KCND3: variants seen among roughly 807,000 people sequenced by gnomAD.
KCND3 encodes the protein potassium voltage-gated channel subfamily D member 3.
KCND3 carries 9 observed loss-of-function variants against 51.1 expected under a neutral mutation model. That is an observed-to-expected ratio of 0.18 (90% CI 0.11 to 0.31). The LOEUF is 0.31. Among genes scored for constraint, KCND3 ranks in the 10% least tolerant of loss-of-function variants. The pLI, the probability that KCND3 is intolerant of heterozygous loss-of-function variation, is 1.00. For missense variants in KCND3, 526 were observed against 903.8 expected (o/e 0.58, Z 5.36); for synonymous variants, 349 against 368.0 (o/e 0.95, Z 0.59).
chr1:111,883,086 C>A (rs1296763888), intron 2 of KCND3, among the ~76,000 whole-genome samples: 2 of 152,232 alleles, frequency 1.3e-5, no homozygotes, highest in Non-Finnish European at 2.9e-5. Flanking sequence ...ATTGCCCAAA[C>A]AACTGGCCAC....
rs559051544 is a variant in KCND3 at position 111,813,492 on chromosome 1, G to A, written c.1107-26386C>T. 3.4e-4 allele frequency among the ~76,000 whole-genome samples: 52 copies of A among 152,314 alleles called. 1 individual carries two copies. Among genetic ancestry groups the A allele is most frequent in the Non-Finnish European group, 2.9e-4 (20 of 68,032 alleles). ...CCCTCTTCACATCATAGCACATGTG[G>A]AAGATGATAATATTCGCCCAGGACA... On this transcript the variant is annotated intron_variant, in intron 2 of 7. Coordinates refer to ENST00000302127, the MANE Select transcript of KCND3 (RefSeq NM_001378969.1).
intron 2 of KCND3, among the ~76,000 whole-genome samples, chr1:111,912,471 A>C (rs1671002236): frequency 6.6e-6 from 1 of 152,248 alleles, no homozygotes; most frequent in Non-Finnish European, 1.5e-5. Context: ...TTATGTATTT[A>C]CCAGTTACTG....
Position 111,780,719 on chromosome 1 carries a change from C to T in KCND3, c.1342G>A (p.Gly448Arg), listed in dbSNP as rs750200535. 11 of 1,612,340 alleles carry T rather than the reference C, an allele frequency of 6.8e-6. 1 individual carries two copies. The highest frequency in any genetic ancestry group is 3.3e-5 in the South Asian group (3 of 90,282). Residue 448 changes from glycine (G) to arginine (R), a missense_variant, in exon 4 of 8, where the codon GGG (glycine) becomes AGG (arginine). Physicochemically the swap from Gly to Arg is moderately radical, Grantham distance 125. Coordinates refer to ENST00000302127, the MANE Select transcript of KCND3 (RefSeq NM_001378969.1). The surrounding 1 kb of genome is among the most constrained non-coding windows in gnomAD (Gnocchi z 4.2). The stretch of plus-strand genomic sequence containing the variant: ...AGCTCCAGCGCCTCGTTGAGGAGCC[C>T]GTTGCGCTTGCTGTGCAGGTATGCA... ...SNAYLHSKRN[G>R]LLNEALELTG...
intron 2 of KCND3, among the ~76,000 whole-genome samples, chr1:111,945,752 GTCA>G (rs1351924032): frequency 6.6e-6 from 1 of 152,220 alleles, no homozygotes; most frequent in Non-Finnish European, 1.5e-5. Context: ...GTCCTGGGCT[GTCA>G]TCAGTGTTGC....
intron 2 of KCND3, among the ~76,000 whole-genome samples, chr1:111,868,943 A>G (rs775911137): frequency 3.9e-4 from 60 of 152,234 alleles, no homozygotes; most frequent in Admixed American, 3.5e-3. Flanking sequence ...GGGTCTCACT[A>G]TGTTGCCTAG....
At chr1:111,946,233 G>A (rs189422623) in intron 2 of KCND3, among the ~76,000 whole-genome samples, 2 of 152,210 alleles carry the variant, frequency 1.3e-5, no homozygotes, top group Non-Finnish European at 2.9e-5. Context: ...ATAATGTCCT[G>A]TGTGCATAGG....
At chr1:111,880,006 C>T (rs1669230295) in intron 2 of KCND3, among the ~76,000 whole-genome samples, 1 of 152,000 alleles carries the variant, frequency 6.6e-6, no homozygotes, top group Non-Finnish European at 1.5e-5. Context: ...TGGTAACTAC[C>T]CTCCTAGGGT....
intron 2 of KCND3, among the ~76,000 whole-genome samples, chr1:111,859,616 A>T (rs1350409653): frequency 6.6e-6 from 1 of 152,250 alleles, no homozygotes; most frequent in Non-Finnish European, 1.5e-5. Flanking sequence ...CAGGATGTAT[A>T]GGATACAGCC....
At chr1:111,935,466 T>C (rs933059558) in intron 2 of KCND3, among the ~76,000 whole-genome samples, 2 of 151,342 alleles carry the variant, frequency 1.3e-5, no homozygotes, top group Non-Finnish European at 3.0e-5. Context: ...AATTTCCTTA[T>C]TTGATTATAA....
intron 2 of KCND3, among the ~76,000 whole-genome samples, chr1:111,808,935 G>GAA (rs1449847409): frequency 1.3e-5 from 2 of 152,244 alleles, no homozygotes; most frequent in Non-Finnish European, 2.9e-5. Flanking sequence ...GGAGCAAGAG[G>GAA]GAGGGGACAC....
chr1:111,953,556 G>T (rs1300750813), intron 2 of KCND3, among the ~76,000 whole-genome samples: 1 of 152,234 alleles, frequency 6.6e-6, no homozygotes, highest in African/African-American at 2.4e-5. Flanking sequence ...GAAACGGCCT[G>T]CCTAGAAGAC....
At chr1:111,787,729 TATG>T (rs1664667780) in intron 2 of KCND3, among the ~76,000 whole-genome samples, 1 of 152,232 alleles carries the variant, frequency 6.6e-6, no homozygotes, top group Admixed American at 6.5e-5. Flanking sequence ...GAATCTCATT[TATG>T]ATGATAACAA....
intron 3 of KCND3, among the ~76,000 whole-genome samples, chr1:111,784,378 G>A (rs1459258080): frequency 6.6e-6 from 1 of 152,034 alleles, no homozygotes; most frequent in African/African-American, 2.4e-5. Flanking sequence ...ACCAGAACTG[G>A]AGATGGGAAC....
At chr1:111,908,120 G>T (rs1178312510) in intron 2 of KCND3, among the ~76,000 whole-genome samples, 1 of 152,206 alleles carries the variant, frequency 6.6e-6, no homozygotes, top group African/African-American at 2.4e-5. Context: ...CACTCTGAGG[G>T]TTTTAAGAGT....
At chr1:111,974,012 A>G (rs1674486484) in intron 2 of KCND3, among the ~76,000 whole-genome samples, 1 of 152,224 alleles carries the variant, frequency 6.6e-6, no homozygotes, top group African/African-American at 2.4e-5. Context: ...CACCCAGAAT[A>G]AGATTACATG....
intron 2 of KCND3, among the ~76,000 whole-genome samples, chr1:111,838,923 T>C (rs1331223203): frequency 2.0e-5 from 3 of 152,100 alleles, no homozygotes; most frequent in African/African-American, 7.2e-5. Flanking sequence ...TCACGCTATA[T>C]GCCAATTCTA....
chr1:111,789,202 C>T (rs1312546590), intron 2 of KCND3, among the ~76,000 whole-genome samples: 6 of 152,194 alleles, frequency 3.9e-5, no homozygotes, highest in Admixed American at 3.9e-4. Context: ...AGAAAGATTG[C>T]TTCATCCATA....
At position 111,771,223 on chromosome 1, in the gene KCND3, T is replaced by G. The variant is rs565815443; in HGVS notation, c.*4854A>C. 9 of 152,332 alleles carry G rather than the reference T, an allele frequency of 5.9e-5. No individual in the cohort carries two copies. The East Asian group carries it at 1.7e-3, about 29-fold the overall frequency. The allele number at this position is 152,332 out of a possible 1,614,324, so 9.4% of individuals were successfully genotyped here. ...GAAAACAAGACTTAAAAGGAACCCCTTTAAAGCTGTTTCATTTTCTGATAG... is the reference window on the plus strand; with the variant it reads ...GAAAACAAGACTTAAAAGGAACCCCGTTAAAGCTGTTTCATTTTCTGATAG... On this transcript the variant is annotated 3_prime_UTR_variant, in exon 8 of 8. Coordinates refer to ENST00000302127, the MANE Select transcript of KCND3 (RefSeq NM_001378969.1).
chr1:111,843,783 C>T (rs1286317754), intron 2 of KCND3, among the ~76,000 whole-genome samples: 13 of 152,126 alleles, frequency 8.5e-5, no homozygotes, highest in East Asian at 5.8e-4. Flanking sequence ...GCTCCTTTGG[C>T]GACATTTTGC....
Sources: gnomAD v4.1 joint callset for allele counts (sites outside exome capture counted in the v4.1 genomes callset) on GRCh38, gnomAD v4.1.1 for gene constraint, Gnocchi (gnomAD v3.1) non-coding constraint, MANE v1.5 for transcripts, NCBI Gene and HGNC (gene_info 2026-07-23, HGNC 2026-07-21) for gene names.